Variants in ZNF236 observed in about 807,000 individuals in gnomAD.
ZNF236 encodes zinc finger protein 236.
A neutral mutation model predicts 191.2 loss-of-function variants in ZNF236; 50 were observed. The ratio of observed to expected loss-of-function variants is 0.26; its 90% CI spans 0.21 to 0.33. The LOEUF (loss-of-function observed/expected upper bound fraction) is 0.33, where lower values mean the gene tolerates loss of function less well. Among genes scored for constraint, ZNF236 ranks in the 10% least tolerant of loss-of-function variants. The pLI is 1.00. For missense variants in ZNF236, 1,754 were observed against 2,374.5 expected (o/e 0.74, Z 5.43); for synonymous variants, 907 against 928.8 (o/e 0.98, Z 0.43).
chr18:76,934,678 A>AAAC (rs1967947267), intron 25 of ZNF236, among the ~76,000 whole-genome samples: 1 of 152,234 alleles, frequency 6.6e-6, no homozygotes, highest in South Asian at 2.1e-4. Flanking sequence ...GTGTATATTA[A>AAAC]AACTGAAGAG....
At chr18:76,837,374 T>C (rs1490534182) in intron 1 of ZNF236, among the ~76,000 whole-genome samples, 3 of 151,962 alleles carry the variant, frequency 2.0e-5, no homozygotes, top group African/African-American at 7.2e-5. Context: ...GTCTTTGATC[T>C]GATTTAATTT....
intron 3 of ZNF236, among the ~76,000 whole-genome samples, chr18:76,862,950 A>G (rs1010061870): frequency 2.6e-5 from 4 of 152,266 alleles, no homozygotes; most frequent in African/African-American, 9.6e-5. Context: ...ACTTTAAAGC[A>G]GCTGTCAAGA....
intron 3 of ZNF236, among the ~76,000 whole-genome samples, chr18:76,852,188 T>C (rs886127105): frequency 3.9e-5 from 6 of 152,212 alleles, no homozygotes; most frequent in African/African-American, 1.4e-4. Context: ...TATATCCACA[T>C]TGGCTGGCAG....
At position 76,951,764 on chromosome 18, in the gene ZNF236, C is replaced by G. The variant is rs866540824; in HGVS notation, c.4914+4112C>G. ...GCTGAGCTTTCAGCCTGTCTCAGCTCTCTGCGTGCCTTCCTCATTAAGCTT... is the reference window on the plus strand; with the variant it reads ...GCTGAGCTTTCAGCCTGTCTCAGCTGTCTGCGTGCCTTCCTCATTAAGCTT... On this transcript the variant is annotated intron_variant, in intron 27 of 30. Transcript: ENST00000320610. Among the ~76,000 whole-genome samples the G allele has an allele frequency of 3.3e-5, 5 of 152,220 alleles. No individual in the cohort carries two copies. In the East Asian group the frequency reaches 7.7e-4, roughly 23 times the overall value.
chr18:76,881,563 G>T (rs974380720), intron 9 of ZNF236, 51 bp downstream of exon 9: 16 of 1,510,652 alleles, frequency 1.1e-5, no homozygotes, highest in Admixed American at 9.8e-5. Context: ...CATATTGCTG[G>T]TTTTTAAGAA....
chr18:76,872,136 C>T (rs79169690), intron 5 of ZNF236, among the ~76,000 whole-genome samples: 2,543 of 152,166 alleles, frequency 0.017, 30 homozygotes, highest in Middle Eastern at 0.02. Flanking sequence ...GGTATTTATT[C>T]CCTCATTTGT....
At chr18:76,945,136 T>G (rs2122908628) in intron 26 of ZNF236, among the ~76,000 whole-genome samples, 1 of 152,330 alleles carries the variant, frequency 6.6e-6, no homozygotes, top group South Asian at 2.1e-4. Context: ...GTAATTTTGC[T>G]ATTTCAAAAC....
intron 17 of ZNF236, among the ~76,000 whole-genome samples, chr18:76,912,781 G>A (rs1967252672): frequency 6.6e-6 from 1 of 152,182 alleles, no homozygotes; most frequent in South Asian, 2.1e-4. Flanking sequence ...TGGCTCAGCA[G>A]TACATACTGA....
chr18:76,935,522 G>A (rs997246804), intron 25 of ZNF236, among the ~76,000 whole-genome samples: 1 of 152,190 alleles, frequency 6.6e-6, no homozygotes. Flanking sequence ...AAGATCTTTG[G>A]TTCCTTTATT....
chr18:76,947,580 C>G lies in ZNF236; in HGVS notation c.4842C>G (p.Gly1614=). ...CTCTCTCGGGCCAGGGTGGAGCAGG[C>G]TCGCCGCAAGTCATACTAGTGAGCC... ...DPSLSGQGGA[G]SPQVILVSHT... is the part of the protein sequence containing the mutation. Residue 1614 remains glycine, a synonymous_variant, in exon 27 of 31, where the codon GGC becomes GGG. Transcript: ENST00000320610. 1 of 1,614,078 alleles carries G rather than the reference C, an allele frequency of 6.2e-7. No homozygotes were observed. The highest frequency in any genetic ancestry group is 1.3e-5 in the African/African-American group (1 of 75,006).
intron 1 of ZNF236, among the ~76,000 whole-genome samples, chr18:76,840,212 C>T (rs560528131): frequency 3.3e-5 from 5 of 152,148 alleles, no homozygotes; most frequent in African/African-American, 7.2e-5. Context: ...TGAGGGAGAC[C>T]GGCCGGGTGC....
At chr18:76,922,982 A>C in intron 20 of ZNF236, 89 bp from the exon 21 acceptor site, 1 of 973,464 alleles carries the variant, frequency 1.0e-6, no homozygotes, top group Non-Finnish European at 1.6e-6. Context: ...AGCAGAACGT[A>C]GTAACACCTA....
intron 25 of ZNF236, chr18:76,936,007 G>A: frequency 2.2e-6 from 1 of 457,198 alleles, no homozygotes; most frequent in South Asian, 1.5e-5. Flanking sequence ...CACAGTGTGG[G>A]ACCCCAGGAG....
At chr18:76,849,963 A>G (rs1157171408) in intron 2 of ZNF236, among the ~76,000 whole-genome samples, 1 of 152,214 alleles carries the variant, frequency 6.6e-6, no homozygotes, top group African/African-American at 2.4e-5. Context: ...AATTTCCTGT[A>G]TGACTGAACA....
intron 1 of ZNF236, among the ~76,000 whole-genome samples, chr18:76,835,245 G>A (rs1395807232): frequency 6.6e-6 from 1 of 152,074 alleles, no homozygotes; most frequent in African/African-American, 2.4e-5. Flanking sequence ...CTGATTTCTA[G>A]TTTACTTGGG....
At chr18:76,828,688 A>G (rs556682630) in intron 1 of ZNF236, among the ~76,000 whole-genome samples, 62 of 152,248 alleles carry the variant, frequency 4.1e-4, no homozygotes, top group African/African-American at 1.4e-3. Flanking sequence ...TATTTTGGAG[A>G]CGGAGTCTCG....
chr18:76,870,844 G>A (rs1324851852), intron 4 of ZNF236, among the ~76,000 whole-genome samples: 2 of 152,184 alleles, frequency 1.3e-5, no homozygotes, highest in Non-Finnish European at 2.9e-5. Context: ...CTGCCCGGCG[G>A]GGCTGCGGAT....
At chr18:76,884,400 C>CAA (rs58881647) in intron 9 of ZNF236, among the ~76,000 whole-genome samples, 8 of 93,028 alleles carry the variant, frequency 8.6e-5, no homozygotes, top group African/African-American at 1.3e-4. Flanking sequence ...GACTCCATCT[C>CAA]AAAAAAAAAA....
intron 3 of ZNF236, among the ~76,000 whole-genome samples, chr18:76,866,695 A>G (rs972495626): frequency 1.3e-5 from 2 of 152,120 alleles, no homozygotes; most frequent in African/African-American, 4.8e-5. Flanking sequence ...TCTAGGTGAG[A>G]GATGTGATGT....
Sources: allele counts gnomAD v4.1 joint callset (sites outside exome capture counted in the v4.1 genomes callset), GRCh38; gene constraint gnomAD v4.1.1; transcripts MANE v1.5; gene names NCBI Gene and HGNC (gene_info 2026-07-23, HGNC 2026-07-21).